The following DYNC1LI1 variants were observed in gnomAD, a reference collection of about 807,000 sequenced individuals.
DYNC1LI1 encodes cytoplasmic dynein 1 light intermediate chain 1.
DYNC1LI1 carries 19 observed loss-of-function variants against 63.8 expected under a neutral mutation model. That is an observed-to-expected ratio of 0.30 (90% confidence interval 0.21 to 0.44). The LOEUF is 0.44. DYNC1LI1 is among the 20% of genes least tolerant of loss of function. The pLI is 1.00. For missense variants in DYNC1LI1, 565 were observed against 630.2 expected, an observed-to-expected ratio of 0.90 and a Z score of 1.11; for synonymous variants, 225 against 232.3, an observed-to-expected ratio of 0.97 and a Z score of 0.28.
chr3:32,537,964 ATATATATATT>A lies in DYNC1LI1; in HGVS notation c.739-870_739-861del, dbSNP rs1559436260. Reference sequence around the variant, plus strand: ...TATATATATAATTTATATATATAATATATATATATTTATATATAATATATATATATAATTT... The same window carrying A: ...TATATATATAATTTATATATATAATATATATATAATATATATATATAATTT... On this transcript the variant is annotated intron_variant, in intron 5 of 12. Coordinates refer to ENST00000273130, the MANE Select transcript of DYNC1LI1 (RefSeq NM_016141.4). Among the ~76,000 whole-genome samples the A allele has an allele frequency of 3.5e-3, 11 of 3,106 alleles. No homozygotes were observed. In the South Asian group the frequency reaches 0.041, roughly 12 times the overall value. 2.0% of individuals were successfully genotyped at this position (3,106 alleles called of 152,430 possible).
chr3:32,559,476 C>T (rs1181358299), intron 2 of DYNC1LI1, among the ~76,000 whole-genome samples: 3 of 152,084 alleles, frequency 2.0e-5, no homozygotes, highest in Admixed American at 1.3e-4. Flanking sequence ...TGAGTTAAAG[C>T]GATCTGCCCA....
At chr3:32,550,122 C>T (rs1698012978) in intron 2 of DYNC1LI1, among the ~76,000 whole-genome samples, 1 of 152,082 alleles carries the variant, frequency 6.6e-6, no homozygotes, top group Admixed American at 6.5e-5. Flanking sequence ...GATTTTGAGC[C>T]TGAATTCATG....
chr3:32,555,049 T>A (rs1264795274), intron 2 of DYNC1LI1, among the ~76,000 whole-genome samples: 1 of 152,012 alleles, frequency 6.6e-6, no homozygotes, highest in African/African-American at 2.4e-5. Context: ...TTTGTGGTTT[T>A]AGTAGAGATG....
intron 8 of DYNC1LI1, 170 bp from the exon 9 acceptor site, chr3:32,530,690 G>GTGTC: frequency 1.7e-6 from 1 of 602,292 alleles, no homozygotes; most frequent in Non-Finnish European, 2.9e-6. Context: ...TTCAGCAGAG[G>GTGTC]TGTCCAGTAA....
intron 4 of DYNC1LI1, among the ~76,000 whole-genome samples, chr3:32,543,220 C>T (rs1005827581): frequency 6.6e-6 from 1 of 150,990 alleles, no homozygotes; most frequent in African/African-American, 2.4e-5. Context: ...ACTCCACAGG[C>T]AATAGTAAAC....
At chr3:32,552,667 C>T (rs988185896) in intron 2 of DYNC1LI1, among the ~76,000 whole-genome samples, 2 of 152,158 alleles carry the variant, frequency 1.3e-5, no homozygotes, top group African/African-American at 4.8e-5. Context: ...ATTATGTCTG[C>T]TCCTTTCACA....
In DYNC1LI1 at chr3:32,545,840, G is replaced by A; in HGVS notation, c.337+9C>T. ...GACTTCAGAAATTTATGTTACAAAT[G>A]ACACTCACCATCCCTGTCTTCATCA... On this transcript the variant is annotated intron_variant, in intron 3 of 12. Coordinates refer to ENST00000273130, the MANE Select transcript of DYNC1LI1 (RefSeq NM_016141.4). 1 of 1,553,956 alleles carries A rather than the reference G, an allele frequency of 6.4e-7. No individual in the cohort carries two copies. Among genetic ancestry groups the A allele is most frequent in the Non-Finnish European group, 8.9e-7 (1 of 1,126,456 alleles).
chr3:32,526,821 G>C lies in DYNC1LI1; in HGVS notation c.1550C>G (p.Pro517Arg), dbSNP rs1417239680. ...TCTTCAAGAAGCTTCTCCTTCCGTA[G>C]GAGATGTAGGTGTTGTGGGAGAAAC... ...VTVSPTTPTS[P>R]TEGEAS The change falls in exon 13 of 13, where the codon CCT becomes CGT. Residue 517 changes from proline to arginine, a missense_variant. By Grantham distance (103) the Pro-to-Arg change is moderately radical. Transcript: ENST00000273130. 1 of 1,612,808 alleles carries C rather than the reference G, an allele frequency of 6.2e-7. No individual in the cohort carries two copies. Among genetic ancestry groups the C allele is most frequent in the Non-Finnish European group, 8.5e-7 (1 of 1,178,938 alleles).
rs528643377 is a variant in DYNC1LI1 at position 32,540,685 on chromosome 3, A to G, written c.738+352T>C. Reference sequence around the variant, plus strand: ...AACAAGAGCAAAACTCCGTCTCAAAAAAAAAAAAAAAAAAATTAATGTTGA... The same window carrying G: ...AACAAGAGCAAAACTCCGTCTCAAAGAAAAAAAAAAAAAAATTAATGTTGA... On this transcript the variant is annotated intron_variant, in intron 5 of 12. Coordinates refer to ENST00000273130, the MANE Select transcript of DYNC1LI1 (RefSeq NM_016141.4). 8.8e-4 allele frequency among the ~76,000 whole-genome samples: 133 copies of G among 151,686 alleles called. 1 individual carries two copies. The highest frequency in any genetic ancestry group is 1.4e-3 in the Non-Finnish European group (98 of 67,868).
At chr3:32,561,641 A>G (rs1314572880) in intron 2 of DYNC1LI1, among the ~76,000 whole-genome samples, 1 of 151,902 alleles carries the variant, frequency 6.6e-6, no homozygotes, top group Non-Finnish European at 1.5e-5. Context: ...AAAAAAAAAA[A>G]GTAAAATAGT....
chr3:32,526,945 T>C (rs1697627248), intron 12 of DYNC1LI1, 37 bp from the exon 13 acceptor site: 2 of 1,461,616 alleles, frequency 1.4e-6, no homozygotes, highest in Admixed American at 1.8e-5. Context: ...AAGATTTAGA[T>C]ATAAGTGAAA....
chr3:32,527,742 T>C (rs1485780200), intron 12 of DYNC1LI1, among the ~76,000 whole-genome samples: 3 of 151,982 alleles, frequency 2.0e-5, no homozygotes, highest in Non-Finnish European at 4.4e-5. Context: ...AGTCAAAAAG[T>C]AGATGAAACT....
chr3:32,557,727 T>C (rs1398033906), intron 2 of DYNC1LI1, among the ~76,000 whole-genome samples: 1 of 152,112 alleles, frequency 6.6e-6, no homozygotes, highest in Non-Finnish European at 1.5e-5. Context: ...AAGTGGCCAA[T>C]ACAGAAAAGG....
intron 2 of DYNC1LI1, among the ~76,000 whole-genome samples, chr3:32,564,962 T>C (rs1329758974): frequency 6.6e-6 from 1 of 152,190 alleles, no homozygotes; most frequent in Non-Finnish European, 1.5e-5. Context: ...AGCTCAAGCA[T>C]AATAGTTTTA....
At chr3:32,530,796 T>G (rs1000438924) in intron 8 of DYNC1LI1, 1 of 352,724 alleles carries the variant, frequency 2.8e-6, no homozygotes, top group African/African-American at 2.1e-5. Flanking sequence ...GTGGCTAGTG[T>G]GACTAAGGAA....
rs1312808779 is a variant in DYNC1LI1, at chr3:32,570,724, C to A, written c.47G>T (p.Gly16Val). 1 of 1,608,558 alleles carries A rather than the reference C, an allele frequency of 6.2e-7. No individual in the cohort carries two copies. Among genetic ancestry groups the A allele is most frequent in the African/African-American group, 1.3e-5 (1 of 74,118 alleles). The part of the protein sequence containing the change: ...RVGSFGSSPP[G>V]LSSTYTGGPL... ...GCCGCCAGTGTAAGTCGAGGATAATCCCGGCGGAGAAGAACCGAAGGAGCC... is the reference window on the plus strand; with the variant it reads ...GCCGCCAGTGTAAGTCGAGGATAATACCGGCGGAGAAGAACCGAAGGAGCC... The change falls in exon 1 of 13, where the codon GGA (glycine) becomes GTA (valine). Residue 16 changes from glycine (G) to valine (V), a missense_variant. Transcript: ENST00000273130.
chr3:32,551,194 C>A (rs934675235), intron 2 of DYNC1LI1, among the ~76,000 whole-genome samples: 2 of 152,116 alleles, frequency 1.3e-5, no homozygotes, highest in African/African-American at 4.8e-5. Context: ...ATCAGGAAGT[C>A]AGCCCAGAGG....
intron 2 of DYNC1LI1, among the ~76,000 whole-genome samples, chr3:32,550,914 C>T (rs1190122747): frequency 1.3e-5 from 2 of 151,738 alleles, no homozygotes; most frequent in African/African-American, 2.4e-5. Context: ...ATCACTTGAG[C>T]CCAGGAGTTC....
chr3:32,561,030 A>AAAAAAAAC (rs1698185729), intron 2 of DYNC1LI1, among the ~76,000 whole-genome samples: 1 of 132,764 alleles, frequency 7.5e-6, no homozygotes, highest in East Asian at 2.0e-4. Flanking sequence ...AAAAAAAAAA[A>AAAAAAAAC]AAACAAACAA....
Sources: gnomAD v4.1 joint callset for allele counts (sites outside exome capture counted in the v4.1 genomes callset) on GRCh38, gnomAD v4.1.1 for gene constraint, MANE v1.5 for transcripts, NCBI Gene and HGNC (gene_info 2026-07-23, HGNC 2026-07-21) for gene names.